Variants in NR2F1-AS1 observed in about 807,000 individuals in gnomAD.
NR2F1-AS1 encodes the protein NR2F1 regulatory antisense RNA 1.
upstream of NR2F1-AS1, chr5:93,584,911 C>T (rs1396798459): frequency 7.0e-6 from 1 of 142,928 alleles, no homozygotes; most frequent in Non-Finnish European, 1.6e-5. Context: ...GCGGGCCCCC[C>T]GCCCCCTCCC....
intron 4 of NR2F1-AS1, among the ~76,000 whole-genome samples, chr5:93,483,485 A>T (rs1454475619): frequency 6.6e-6 from 1 of 152,216 alleles, no homozygotes; most frequent in Non-Finnish European, 1.5e-5. Context: ...ATTCATGAAG[A>T]TAAGGAAAAA....
At position 93,435,765 on chromosome 5, in the gene NR2F1-AS1, A is replaced by C. The variant is rs912808183; in HGVS notation, n.639-40223T>G. On this transcript the variant is annotated intron_variant and non_coding_transcript_variant, in intron 4 of 5. Coordinates refer to ENST00000660523, the Ensembl canonical transcript of NR2F1-AS1. Reference sequence around the variant, plus strand: ...TTATTGTAGTAAAACTCCTTTGATGATAACCCCTTCATTTCCAAGGTTTCA... The same window carrying C: ...TTATTGTAGTAAAACTCCTTTGATGCTAACCCCTTCATTTCCAAGGTTTCA... 2.1e-4 allele frequency among the ~76,000 whole-genome samples: 32 copies of C among 152,262 alleles called. 1 individual carries two copies. The South Asian group carries it at 2.9e-3, about 14-fold the overall frequency.
chr5:93,412,249 TCTC>T (rs1167003433), intron 4 of NR2F1-AS1, among the ~76,000 whole-genome samples: 3 of 152,238 alleles, frequency 2.0e-5, no homozygotes, highest in Non-Finnish European at 4.4e-5. Context: ...CAGGCCCTCT[TCTC>T]CTCAGCCTGG....
intron 4 of NR2F1-AS1, among the ~76,000 whole-genome samples, chr5:93,536,356 A>G (rs1019427073): frequency 2.0e-5 from 3 of 152,186 alleles, no homozygotes; most frequent in African/African-American, 7.2e-5. Flanking sequence ...AAACTGTCAT[A>G]CTACCCAAAG....
In NR2F1-AS1 at chr5:93,579,269, G is replaced by A. The variant is rs1752964776; in HGVS notation, n.313+1198C>T. 6.6e-6 allele frequency among the ~76,000 whole-genome samples: 1 copy of A among 152,126 alleles called. No individual in the cohort carries two copies. Among genetic ancestry groups the A allele is most frequent in the Admixed American group, 6.5e-5 (1 of 15,276 alleles). ...AAAGCCGCGGGCTTCCGCTGCTCCG[G>A]GCATCACCACCAACAGCTTCCCACT... On this transcript the variant is annotated intron_variant and non_coding_transcript_variant, in intron 1 of 5. Transcript: ENST00000660523. The surrounding 1 kb of genome is among the most constrained non-coding windows in gnomAD (Gnocchi z 5.1).
intron 2 of NR2F1-AS1, among the ~76,000 whole-genome samples, chr5:93,562,226 AATAAG>A (rs1449739513): frequency 6.6e-6 from 1 of 151,712 alleles, no homozygotes; most frequent in African/African-American, 2.4e-5. Context: ...AAAAGAAAAT[AATAAG>A]ATAAAGTTAG....
chr5:93,563,182 G>C (rs1752533908), intron 2 of NR2F1-AS1, among the ~76,000 whole-genome samples: 1 of 152,236 alleles, frequency 6.6e-6, no homozygotes, highest in Admixed American at 6.5e-5. Context: ...GGGCAAGAAA[G>C]TAAATTTACC....
intron 4 of NR2F1-AS1, among the ~76,000 whole-genome samples, chr5:93,428,960 G>A (rs535140567): frequency 2.0e-4 from 30 of 152,182 alleles, no homozygotes; most frequent in African/African-American, 7.0e-4. Flanking sequence ...GAAGCCAAGG[G>A]TTACTTGAAC....
At chr5:93,568,920 A>G (rs1266100045) in intron 1 of NR2F1-AS1, among the ~76,000 whole-genome samples, 1 of 152,222 alleles carries the variant, frequency 6.6e-6, no homozygotes, top group Non-Finnish European at 1.5e-5. Context: ...CAGTGACAAG[A>G]GCAAAACCCT....
At chr5:93,572,187 G>C (rs1752784934) in intron 1 of NR2F1-AS1, among the ~76,000 whole-genome samples, 1 of 152,250 alleles carries the variant, frequency 6.6e-6, no homozygotes, top group African/African-American at 2.4e-5. Flanking sequence ...TTTCGGAGCG[G>C]TTTGCGCGCA....
intron 4 of NR2F1-AS1, among the ~76,000 whole-genome samples, chr5:93,490,814 T>C (rs1750823253): frequency 6.7e-6 from 1 of 148,444 alleles, no homozygotes; most frequent in Non-Finnish European, 1.5e-5. Context: ...TTTATGGTGG[T>C]TGTGGTTATG....
chr5:93,565,335 T>C (rs917541590), intron 1 of NR2F1-AS1, among the ~76,000 whole-genome samples: 2 of 152,134 alleles, frequency 1.3e-5, no homozygotes, highest in African/African-American at 2.4e-5. Context: ...CAGAGAAACA[T>C]GCCCAGTCAT....
At chr5:93,466,059 A>T (rs1750223545) in intron 4 of NR2F1-AS1, among the ~76,000 whole-genome samples, 1 of 152,012 alleles carries the variant, frequency 6.6e-6, no homozygotes, top group African/African-American at 2.4e-5. Flanking sequence ...TGTACCCTAG[A>T]ACTTAAAAGT....
intron 4 of NR2F1-AS1, among the ~76,000 whole-genome samples, chr5:93,453,784 A>G (rs1749888396): frequency 6.6e-6 from 1 of 152,198 alleles, no homozygotes; most frequent in African/African-American, 2.4e-5. Flanking sequence ...TGAGGGCAAA[A>G]TACAGACCTT....
intron 4 of NR2F1-AS1, among the ~76,000 whole-genome samples, chr5:93,447,883 G>A (rs1449964003): frequency 2.6e-5 from 4 of 152,176 alleles, no homozygotes; most frequent in Non-Finnish European, 5.9e-5. Flanking sequence ...AAAAGGATGA[G>A]TTCATGTCCT....
chr5:93,475,144 T>C (rs1262140873), intron 4 of NR2F1-AS1, among the ~76,000 whole-genome samples: 2 of 147,020 alleles, frequency 1.4e-5, no homozygotes, highest in Non-Finnish European at 3.0e-5. Context: ...AAAAAAAAGA[T>C]GATTTCCCAT....
chr5:93,442,489 G>A (rs1409563471), intron 4 of NR2F1-AS1, among the ~76,000 whole-genome samples: 1 of 152,172 alleles, frequency 6.6e-6, no homozygotes. Context: ...AGTGAGGCTG[G>A]GGGAGGGGCA....
At chr5:93,507,628 G>A (rs1751213910) in intron 4 of NR2F1-AS1, among the ~76,000 whole-genome samples, 1 of 152,090 alleles carries the variant, frequency 6.6e-6, no homozygotes, top group South Asian at 2.1e-4. Flanking sequence ...AAAGTGCTGG[G>A]ATTACAGGCA....
At chr5:93,505,792 G>A (rs182314391) in intron 4 of NR2F1-AS1, among the ~76,000 whole-genome samples, 7 of 152,242 alleles carry the variant, frequency 4.6e-5, no homozygotes, top group Admixed American at 1.3e-4. Context: ...TTTTTCTTCC[G>A]GGCCTCCAGG....
Sources: gnomAD v4.1 joint callset for allele counts (sites outside exome capture counted in the v4.1 genomes callset) on GRCh38, gnomAD v4.1.1 for gene constraint, Gnocchi (gnomAD v3.1) non-coding constraint, MANE v1.5 for transcripts, NCBI Gene and HGNC (gene_info 2026-07-23, HGNC 2026-07-21) for gene names.